The following SPAG16 variants were observed in gnomAD, a reference collection of about 807,000 sequenced individuals.
SPAG16 encodes the protein sperm-associated antigen 16 protein.
In SPAG16, 86 loss-of-function variants were observed where a neutral mutation model predicts 80.4. The observed-to-expected ratio is 1.07, with a 90% CI of 0.90 to 1.28. The LOEUF (loss-of-function observed/expected upper bound fraction) is 1.28, where lower values mean the gene tolerates loss of function less well. Ranked by LOEUF, SPAG16 falls within the 50% of genes most tolerant of loss-of-function variation. The pLI, the probability that SPAG16 is intolerant of heterozygous loss-of-function variation, is 0.00. For synonymous variants in SPAG16, 294 were observed against 265.9 expected (o/e 1.11, Z -1.03); for missense variants, 870 against 765.3 (o/e 1.14, Z -1.61).
intron 11 of SPAG16, among the ~76,000 whole-genome samples, chr2:213,880,840 T>C (rs1485502877): frequency 6.6e-6 from 1 of 152,194 alleles, no homozygotes; most frequent in Non-Finnish European, 1.5e-5. Context: ...TCTATGTCTC[T>C]TTTTGTAGCA....
chr2:213,883,358 T>C (rs971459643), intron 11 of SPAG16, among the ~76,000 whole-genome samples: 1 of 152,232 alleles, frequency 6.6e-6, no homozygotes, highest in African/African-American at 2.4e-5. Context: ...TATTGCTCTG[T>C]TGTCTGAGAG....
chr2:214,322,309 A>G (rs1696151971), intron 15 of SPAG16, among the ~76,000 whole-genome samples: 1 of 152,118 alleles, frequency 6.6e-6, no homozygotes, highest in Non-Finnish European at 1.5e-5. Context: ...CATTTTTAAA[A>G]CCACCCCAGG....
At chr2:213,400,248 A>G (rs1283347369) in intron 9 of SPAG16, among the ~76,000 whole-genome samples, 2 of 152,060 alleles carry the variant, frequency 1.3e-5, no homozygotes, top group African/African-American at 4.8e-5. Flanking sequence ...TAACTCATTA[A>G]TGGTTGGCTT....
chr2:214,202,136 A>G (rs963120255), intron 15 of SPAG16, among the ~76,000 whole-genome samples: 5 of 152,188 alleles, frequency 3.3e-5, no homozygotes, highest in Admixed American at 2.0e-4. Context: ...TTAAGCTACC[A>G]TGCTCAGCCA....
At chr2:214,118,805 CA>C (rs1447492945) in intron 14 of SPAG16, among the ~76,000 whole-genome samples, 2 of 149,226 alleles carry the variant, frequency 1.3e-5, no homozygotes, top group Admixed American at 1.3e-4. Context: ...AAATTCAGTG[CA>C]ATCTCTATCA....
chr2:214,105,419 A>G (rs569511711), intron 13 of SPAG16, among the ~76,000 whole-genome samples: 2 of 152,314 alleles, frequency 1.3e-5, no homozygotes, highest in South Asian at 4.1e-4. Flanking sequence ...AATTCTCCTA[A>G]CAAAGCTATA....
At chr2:213,617,219 T>A (rs1250145419) in intron 10 of SPAG16, among the ~76,000 whole-genome samples, 1 of 152,160 alleles carries the variant, frequency 6.6e-6, no homozygotes, top group African/African-American at 2.4e-5. Context: ...ACCCTCCTAA[T>A]AAGACCTAGT....
chr2:213,655,260 T>C (rs185879679), intron 10 of SPAG16, among the ~76,000 whole-genome samples: 1 of 152,324 alleles, frequency 6.6e-6, no homozygotes, highest in East Asian at 1.9e-4. Context: ...GTACCTTCTG[T>C]TCCGTTTTTC....
At chr2:213,724,614 C>G (rs2066671352) in intron 10 of SPAG16, among the ~76,000 whole-genome samples, 1 of 150,962 alleles carries the variant, frequency 6.6e-6, no homozygotes, top group South Asian at 2.1e-4. Context: ...CCTGTCTCTA[C>G]TAAAAATACA....
At chr2:214,280,419 C>A (rs1425296809) in intron 15 of SPAG16, among the ~76,000 whole-genome samples, 1 of 152,102 alleles carries the variant, frequency 6.6e-6, no homozygotes, top group East Asian at 1.9e-4. Flanking sequence ...ACTATAACAA[C>A]TTTGAAAAAG....
intron 10 of SPAG16, among the ~76,000 whole-genome samples, chr2:213,666,661 C>T (rs1205575132): frequency 1.3e-5 from 2 of 152,134 alleles, no homozygotes; most frequent in African/African-American, 4.8e-5. Context: ...GAATACAAGA[C>T]CCACTGCTAT....
chr2:213,949,179 T>TTTTTTTTTTTTTTTTTTTGTTTTTTTG (rs1553677674), intron 12 of SPAG16, among the ~76,000 whole-genome samples: 15 of 36,262 alleles, frequency 4.1e-4, no homozygotes, highest in Middle Eastern at 0.023. Context: ...GTTTTTTTTT[T>TTTTTTTTTTTTTTTTTTTGTTTTTTTG]TTTTTTTTTT....
In SPAG16 at chr2:213,305,842, G is replaced by A. The variant is rs182778969; in HGVS notation, c.280-4217G>A. Among the ~76,000 whole-genome samples, 4 of 152,206 alleles carry A rather than the reference G, an allele frequency of 2.6e-5. No individual in the cohort carries two copies. The East Asian group carries it at 7.7e-4, about 29-fold the overall frequency. ...GTCTTTGTCTGGCCTTGATATCAGG[G>A]TAATACTGGCCTCATAGAATGAGTT... On this transcript the variant is annotated intron_variant, in intron 3 of 15. Coordinates refer to ENST00000331683, the MANE Select transcript of SPAG16 (RefSeq NM_024532.5).
Position 214,177,916 on chromosome 2 carries a change from C to CATATATATATATAT in SPAG16, c.1720+28655_1720+28668dup, listed in dbSNP as rs10622953. Among the ~76,000 whole-genome samples the CATATATATATATAT allele has an allele frequency of 2.3e-3, 212 of 92,184 alleles. 10 individuals carry two copies. Among genetic ancestry groups the CATATATATATATAT allele is most frequent in the South Asian group, 4.8e-3 (14 of 2,942 alleles). 60.5% of individuals were successfully genotyped at this position (92,184 alleles called of 152,430 possible). ...ATATATATACATATATATATATATA[C>CATATATATATATAT]ATATATATATATATATATGGCCAGA... On this transcript the variant is annotated intron_variant, in intron 15 of 15. Transcript: ENST00000331683.
chr2:214,131,018 G>A (rs1319982079), intron 14 of SPAG16, among the ~76,000 whole-genome samples: 2 of 152,170 alleles, frequency 1.3e-5, no homozygotes, highest in African/African-American at 4.8e-5. Context: ...AGTTGGGCCA[G>A]TCTATATTCA....
rs113329559 is a variant in SPAG16 at position 213,824,615 on chromosome 2, C to T, written c.1071-37870C>T. ...CATTGGCCTATATATCTTTTTATGCCAGTACCATGCTGTTTTGGTTACTTT... is the reference window on the plus strand; with the variant it reads ...CATTGGCCTATATATCTTTTTATGCTAGTACCATGCTGTTTTGGTTACTTT... On this transcript the variant is annotated intron_variant, in intron 10 of 15. Coordinates refer to ENST00000331683, the MANE Select transcript of SPAG16 (RefSeq NM_024532.5). Among the ~76,000 whole-genome samples the T allele has an allele frequency of 8.7e-4, 132 of 152,238 alleles. 3 individuals are homozygous for T. Among genetic ancestry groups the T allele is most frequent in the African/African-American group, 3.0e-3 (123 of 41,546 alleles).
chr2:213,558,905 G>A (rs115444265), intron 10 of SPAG16, among the ~76,000 whole-genome samples: 2,262 of 151,972 alleles, frequency 0.015, 25 homozygotes, highest in South Asian at 0.036. Context: ...AATGCATGTC[G>A]TGACATCATG....
intron 9 of SPAG16, among the ~76,000 whole-genome samples, chr2:213,381,366 C>T (rs1396636729): frequency 6.6e-6 from 1 of 152,036 alleles, no homozygotes; most frequent in African/African-American, 2.4e-5. Context: ...AAACACTGAC[C>T]CTTCTAAAAT....
intron 10 of SPAG16, among the ~76,000 whole-genome samples, chr2:213,542,860 G>A (rs1290991237): frequency 1.3e-5 from 2 of 152,022 alleles, no homozygotes; most frequent in African/African-American, 4.8e-5. Context: ...TAATCCCAAT[G>A]TAAGCAGTAG....
Sources: gnomAD v4.1 joint callset for allele counts (sites outside exome capture counted in the v4.1 genomes callset) on GRCh38, gnomAD v4.1.1 for gene constraint, MANE v1.5 for transcripts, NCBI Gene and HGNC (gene_info 2026-07-23, HGNC 2026-07-21) for gene names.